The following SPMIP4 variants were observed in gnomAD, a reference collection of about 807,000 sequenced individuals.
The protein encoded by SPMIP4 is sperm microtubule inner protein 4.
chr7:25,178,124 T>A, the SPMIP4 span, among the ~76,000 whole-genome samples: 1 of 152,254 alleles, frequency 6.6e-6, no homozygotes, highest in Non-Finnish European at 1.5e-5. Context: ...TCCACGTTGC[T>A]GCAAAGGACA....
the SPMIP4 span, among the ~76,000 whole-genome samples, chr7:25,128,329 G>A: frequency 1.3e-5 from 2 of 152,312 alleles, no homozygotes; most frequent in South Asian, 2.1e-4. This position sits in a 1 kb window ranked among gnomAD's most constrained non-coding sequence, Gnocchi z 4.5. Flanking sequence ...GATGCTGTCT[G>A]GAAGCCAGGG....
At chr7:25,177,478 T>C in the SPMIP4 span, among the ~76,000 whole-genome samples, 2 of 151,938 alleles carry the variant, frequency 1.3e-5, no homozygotes, top group African/African-American at 4.8e-5. Flanking sequence ...TGAGACTCCG[T>C]CTAATAAAAA....
At chr7:25,136,796 G>A in the SPMIP4 span, 1 of 1,603,416 alleles carries the variant, frequency 6.2e-7, no homozygotes, top group Non-Finnish European at 8.5e-7. This position sits in a 1 kb window ranked among gnomAD's most constrained non-coding sequence, Gnocchi z 5.7. Context: ...TTTTCTTGCT[G>A]TAGTTGTGGG....
At chr7:25,161,000 A>G in the SPMIP4 span, among the ~76,000 whole-genome samples, 1 of 152,120 alleles carries the variant, frequency 6.6e-6, no homozygotes, top group Non-Finnish European at 1.5e-5. Context: ...TAAACACTAA[A>G]AACTATTGGT....
chr7:25,135,937 C>G, the SPMIP4 span: 1 of 1,540,462 alleles, frequency 6.5e-7, no homozygotes, highest in South Asian at 1.3e-5. Flanking sequence ...TAGCTTCTTG[C>G]AAGAGGCTGG....
At chr7:25,143,146 T>C in the SPMIP4 span, among the ~76,000 whole-genome samples, 2 of 152,222 alleles carry the variant, frequency 1.3e-5, no homozygotes, top group South Asian at 2.1e-4. Context: ...AGGTGGTCTT[T>C]TGGCTAAGTT....
the SPMIP4 span, among the ~76,000 whole-genome samples, chr7:25,178,446 T>C: frequency 6.6e-6 from 1 of 152,206 alleles, no homozygotes; most frequent in Admixed American, 6.5e-5. Flanking sequence ...AATTAATGTG[T>C]TACAGGGAAT....
chr7:25,162,355 G>A, the SPMIP4 span, among the ~76,000 whole-genome samples: 1 of 149,486 alleles, frequency 6.7e-6, no homozygotes, highest in African/African-American at 2.5e-5. Flanking sequence ...AACCGTAGAA[G>A]TTCAAATAAA....
the SPMIP4 span, chr7:25,179,857 A>C: frequency 6.6e-6 from 1 of 152,400 alleles, no homozygotes; most frequent in Admixed American, 6.5e-5. Flanking sequence ...TCTCTCTCGG[A>C]CTTGGGGGAA....
At chr7:25,158,815 G>A in the SPMIP4 span, among the ~76,000 whole-genome samples, 24,967 of 151,250 alleles carry the variant, frequency 0.17, 2,764 homozygotes, top group African/African-American at 0.31. Flanking sequence ...GATTACCCAG[G>A]AGGTGGAGGT....
At chr7:25,134,862 C>T in the SPMIP4 span, 1 of 985,198 alleles carries the variant, frequency 1.0e-6, no homozygotes, top group Non-Finnish European at 1.2e-6. Context: ...ATGCAACTGA[C>T]ATTGTTGCTC....
At chr7:25,130,206 T>A in the SPMIP4 span, among the ~76,000 whole-genome samples, 4 of 151,366 alleles carry the variant, frequency 2.6e-5, no homozygotes, top group Admixed American at 2.6e-4. Flanking sequence ...GCCACTGCAC[T>A]GCGCTCCAAC....
chr7:25,160,160 G>C, the SPMIP4 span, among the ~76,000 whole-genome samples: 1 of 114,858 alleles, frequency 8.7e-6, no homozygotes, highest in African/African-American at 2.6e-5. Context: ...GGGATAAACC[G>C]AGACAACCAC....
the SPMIP4 span, chr7:25,136,818 A>G: frequency 1.9e-6 from 3 of 1,588,696 alleles, no homozygotes; most frequent in South Asian, 3.4e-5. This position sits in a 1 kb window ranked among gnomAD's most constrained non-coding sequence, Gnocchi z 5.7. Context: ...TAAAAAGGAG[A>G]AAAAAATTGA....
At chr7:25,145,264 A>C in the SPMIP4 span, among the ~76,000 whole-genome samples, 16 of 152,104 alleles carry the variant, frequency 1.1e-4, no homozygotes, top group African/African-American at 3.9e-4. Flanking sequence ...ATGCCCGGCC[A>C]AGAAGGACTT....
At chr7:25,134,978 G>C in the SPMIP4 span, 3 of 981,108 alleles carry the variant, frequency 3.1e-6, no homozygotes, top group Non-Finnish European at 3.6e-6. Flanking sequence ...CTTTAGCCCA[G>C]AATAGTTTTA....
At chr7:25,136,778 G>C in the SPMIP4 span, 2 of 1,607,640 alleles carry the variant, frequency 1.2e-6, no homozygotes, top group Non-Finnish European at 1.7e-6. The surrounding 1 kb of genome is among the most constrained non-coding windows in gnomAD (Gnocchi z 5.7). Context: ...TTGAAGACAG[G>C]GTGGAATTTT....
the SPMIP4 span, among the ~76,000 whole-genome samples, chr7:25,164,498 T>A: frequency 2.0e-5 from 3 of 152,142 alleles, no homozygotes. Context: ...GCAGAACCAC[T>A]AAGAGCTAAG....
At chr7:25,140,670 C>A in the SPMIP4 span, among the ~76,000 whole-genome samples, 1 of 151,780 alleles carries the variant, frequency 6.6e-6, no homozygotes, top group Non-Finnish European at 1.5e-5. Flanking sequence ...GCAACCTCCG[C>A]CCCATCCCCC....
Sources: gnomAD v4.1 joint callset for allele counts (sites outside exome capture counted in the v4.1 genomes callset) on GRCh38, gnomAD v4.1.1 for gene constraint, Gnocchi (gnomAD v3.1) non-coding constraint, MANE v1.5 for transcripts, NCBI Gene and HGNC (gene_info 2026-07-23, HGNC 2026-07-21) for gene names.